Variants in BRF1 observed in about 807,000 individuals in gnomAD.
BRF1 encodes the protein transcription factor IIIB 90 kDa subunit.
A neutral mutation model predicts 81.7 loss-of-function variants in BRF1; 59 were observed. The observed-to-expected ratio is 0.72, with a 90% CI of 0.59 to 0.90. The LOEUF (loss-of-function observed/expected upper bound fraction) is 0.90, where lower values mean the gene tolerates loss of function less well. Among genes scored for constraint, BRF1 ranks in the 40% least tolerant of loss-of-function variants. The pLI is 0.00. For synonymous variants in BRF1, 491 were observed against 395.6 expected (o/e 1.24, Z -2.86); for missense variants, 1,050 against 936.3 (o/e 1.12, Z -1.58).
At chr14:105,252,452 C>T (rs587598989) in intron 5 of BRF1, 55 bp downstream of exon 5, 16 of 1,588,202 alleles carry the variant, frequency 1.0e-5, no homozygotes, top group African/African-American at 8.1e-5. Flanking sequence ...ACATTTGGCA[C>T]GCTGGTCCCT....
chr14:105,211,178 G>T lies in BRF1; in HGVS notation c.1940C>A (p.Pro647His). ...HADEEADEEE[P>H]DEEDGEPCVS... The stretch of plus-strand genomic sequence containing the variant: ...GCAGGGCTCCCCGTCCTCCTCGTCA[G>T]GCTCCTCCTCGTCAGCCTCCTCGTC... The change falls in exon 17 of 18, where the codon CCT becomes CAT. Residue 647 changes from proline to histidine, a missense_variant. By Grantham distance (77) the Pro-to-His change is moderately conservative. This residue lies in a region of BRF1 where 1,043 missense variants were observed against 915.4 expected (regional missense o/e 1.14). Transcript: ENST00000547530. 6.2e-7 allele frequency: 1 copy of T among 1,612,480 alleles called. No individual in the cohort carries two copies.
In BRF1 at chr14:105,228,893, T is replaced by C. The variant is rs769311991; in HGVS notation, c.715A>G (p.Met239Val). 3.1e-6 allele frequency: 5 copies of C among 1,613,746 alleles called. No homozygotes were observed. The highest frequency in any genetic ancestry group is 2.2e-5 in the East Asian group (1 of 44,884). The part of the protein sequence containing the change: ...CGAALLVAAR[M>V]HDFRRTVKEV... ...TTCACAGTCCTCCTGAAGTCATGCA[T>C]TCTGGCTGCAACCAGGAGCGCTGGA... Residue 239 changes from methionine to valine, a missense_variant, in exon 7 of 18, where the codon ATG becomes GTG. By Grantham distance (21) the Met-to-Val change is conservative (BLOSUM62 1). Transcript: ENST00000547530.
At chr14:105,296,950 G>A (rs1228575307) in intron 1 of BRF1, among the ~76,000 whole-genome samples, 2 of 152,040 alleles carry the variant, frequency 1.3e-5, no homozygotes, top group East Asian at 3.9e-4. Flanking sequence ...TTGAGGTCAG[G>A]AGTTCGAGAC....
intron 15 of BRF1, among the ~76,000 whole-genome samples, chr14:105,215,319 T>G (rs770149800): frequency 6.6e-6 from 1 of 151,892 alleles, no homozygotes; most frequent in Non-Finnish European, 1.5e-5. Context: ...TCTGTAGACA[T>G]ACAGGTACAC....
In BRF1 at chr14:105,226,244, T is replaced by G. The variant is rs754507693; in HGVS notation, c.955+7A>C. ...AGAAGCATTACATGGGAAGATTGGT[T>G]GGTTACCTTCAACCTCCTCCAGTTT... On this transcript the variant is annotated splice_region_variant and intron_variant, in intron 9 of 17. Transcript: ENST00000547530. 6 of 1,614,016 alleles carry G rather than the reference T, an allele frequency of 3.7e-6. No individual in the cohort carries two copies. The highest frequency in any genetic ancestry group is 5.1e-6 in the Non-Finnish European group (6 of 1,180,042).
At chr14:105,217,914 A>G in intron 14 of BRF1, 114 bp from the exon 15 acceptor site, 5 of 1,479,842 alleles carry the variant, frequency 3.4e-6, no homozygotes, top group Non-Finnish European at 3.6e-6. Context: ...TCAGGCCCTC[A>G]GAAGGGCCGC....
Position 105,272,707 on chromosome 14 carries a change from A to C in BRF1, c.439+14T>G, listed in dbSNP as rs761282114. Reference sequence around the variant, plus strand: ...AGATGGGGCCCTCTGGGAGGCTCTCAAACCAAAGGATACGCGGCGTGCCCT... The same window carrying C: ...AGATGGGGCCCTCTGGGAGGCTCTCCAACCAAAGGATACGCGGCGTGCCCT... On this transcript the variant is annotated intron_variant, in intron 3 of 17. Coordinates refer to ENST00000547530, the MANE Select transcript of BRF1 (RefSeq NM_001519.4). 1.9e-6 allele frequency: 3 copies of C among 1,586,844 alleles called. No individual in the cohort carries two copies. The South Asian group carries it at 3.4e-5, about 18-fold the overall frequency.
chr14:105,220,113 C>T lies in BRF1; in HGVS notation c.1333G>A (p.Gly445Ser), dbSNP rs777250460. ...TCAATGCCACTGAGGTCCAGCTCAC[C>T]GTCTCCTGAAGCATCTTCTGGAGGG... The part of the protein sequence containing the change: ...SSDPKDASGD[G>S]ELDLSGIDDL... The change falls in exon 12 of 18, where the codon GGT (glycine) becomes AGT (serine). Residue 445 changes from glycine to serine, a missense_variant. Physicochemically the swap from Gly to Ser is moderately conservative, Grantham distance 56. Around this residue, in one of 2 missense-constraint regions of BRF1, gnomAD observed 1,043 missense variants for 915.4 expected, o/e 1.14. Coordinates refer to ENST00000547530, the MANE Select transcript of BRF1 (RefSeq NM_001519.4). 2.0e-5 allele frequency: 33 copies of T among 1,613,380 alleles called. No individual in the cohort carries two copies. The highest frequency in any genetic ancestry group is 2.5e-5 in the Non-Finnish European group (29 of 1,180,018).
At chr14:105,228,783 C>T in intron 7 of BRF1, 37 bp downstream of exon 7, 2 of 1,609,832 alleles carry the variant, frequency 1.2e-6, no homozygotes, top group South Asian at 1.1e-5. Flanking sequence ...GATGAAGCCT[C>T]TGTGTGGTCC....
intron 1 of BRF1, among the ~76,000 whole-genome samples, chr14:105,299,015 C>CA (rs893500679): frequency 4.6e-5 from 7 of 150,852 alleles, no homozygotes; most frequent in Admixed American, 6.6e-5. Context: ...CTAAAAAATA[C>CA]AAAAAAAATT....
chr14:105,243,003 C>A (rs2054808895), intron 5 of BRF1, among the ~76,000 whole-genome samples: 1 of 151,662 alleles, frequency 6.6e-6, no homozygotes, highest in Non-Finnish European at 1.5e-5. Context: ...GTAATCCCAC[C>A]TACTTGGGAG....
At position 105,217,666 on chromosome 14, in the gene BRF1, G is replaced by A. The variant is rs145271139; in HGVS notation, c.1650C>T (p.Gly550=). 1,896 of 1,613,306 alleles carry A rather than the reference G, an allele frequency of 1.2e-3. 17 individuals carry two copies. The African/African-American group carries it at 0.02, about 17-fold the overall frequency. The change falls in exon 15 of 18, where the codon GGC becomes GGT. Residue 550 remains glycine (G), a synonymous_variant. Transcript: ENST00000547530. ...YSVLRGLSSA[G]GGSPHREDAQ... ...CATCCTCCCTGTGCGGACTGCCCCC[G>A]CCGGCGCTGCTGAGGCCCCGGAGCA...
At position 105,226,305 on chromosome 14, in the gene BRF1, G is replaced by C; in HGVS notation, c.916-15C>G. The C allele has an allele frequency of 6.2e-7, 1 of 1,613,948 alleles. No homozygotes were observed. The highest frequency in any genetic ancestry group is 8.5e-7 in the Non-Finnish European group (1 of 1,179,984). On this transcript the variant is annotated splice_polypyrimidine_tract_variant and intron_variant, in intron 8 of 17. Transcript: ENST00000547530. ...ACTTGTTCAAGCTGAAAGGGAACAG[G>C]GCAAGAGGCTTCGTGAAGGGAGGCC...
chr14:105,265,125 G>A (rs1268247458), intron 3 of BRF1, among the ~76,000 whole-genome samples: 1 of 144,656 alleles, frequency 6.9e-6, no homozygotes, highest in Non-Finnish European at 1.5e-5. Context: ...ATGCACTGAT[G>A]CACTGATGTC....
At chr14:105,225,302 C>T (rs1051063483) in intron 10 of BRF1, among the ~76,000 whole-genome samples, 2 of 152,328 alleles carry the variant, frequency 1.3e-5, no homozygotes, top group Admixed American at 6.5e-5. Flanking sequence ...AGCCCCACAA[C>T]CAACCAAATG....
intron 1 of BRF1, among the ~76,000 whole-genome samples, chr14:105,312,131 T>C (rs2058365900): frequency 6.6e-6 from 1 of 152,174 alleles, no homozygotes; most frequent in African/African-American, 2.4e-5. Flanking sequence ...AGGAGATGAA[T>C]GCGTTTCCAA....
At chr14:105,241,490 G>A in intron 5 of BRF1, 76 bp from the exon 6 acceptor site, 4 of 1,575,964 alleles carry the variant, frequency 2.5e-6, no homozygotes, top group Non-Finnish European at 3.4e-6. Flanking sequence ...GCAGCCCAGG[G>A]GTGGGGCAAC....
At chr14:105,251,703 C>T (rs2055623870) in intron 5 of BRF1, among the ~76,000 whole-genome samples, 1 of 151,942 alleles carries the variant, frequency 6.6e-6, no homozygotes, top group Admixed American at 6.6e-5. Context: ...GACATACGCT[C>T]CTAGATGCAA....
chr14:105,251,308 C>CT (rs2055597186), intron 5 of BRF1, among the ~76,000 whole-genome samples: 1 of 152,164 alleles, frequency 6.6e-6, no homozygotes, highest in Non-Finnish European at 1.5e-5. Flanking sequence ...CTGGTTGTCT[C>CT]TATGTCCTAA....
Sources: gnomAD v4.1 joint callset for allele counts (sites outside exome capture counted in the v4.1 genomes callset) on GRCh38, gnomAD v4.1.1 for gene constraint, gnomAD v4.1.1 regional missense constraint, MANE v1.5 for transcripts, NCBI Gene and HGNC (gene_info 2026-07-23, HGNC 2026-07-21) for gene names.